JADE2: variants seen among roughly 807,000 people sequenced by gnomAD.
JADE2 encodes E3 ubiquitin-protein ligase Jade-2.
A neutral mutation model predicts 85.7 loss-of-function variants in JADE2; 13 were observed. The ratio of observed to expected loss-of-function variants is 0.15; its 90% CI spans 0.10 to 0.24. The LOEUF (loss-of-function observed/expected upper bound fraction) is 0.24, where lower values mean the gene tolerates loss of function less well. JADE2 is among the 10% of genes least tolerant of loss of function. JADE2 has a pLI of 1.00. For synonymous variants in JADE2, 440 were observed against 456.1 expected (o/e 0.96, Z 0.45); for missense variants, 846 against 1,115.9 (o/e 0.76, Z 3.45).
chr5:134,551,301 T>TC (rs1443045119), intron 3 of JADE2, among the ~76,000 whole-genome samples: 1 of 152,164 alleles, frequency 6.6e-6, no homozygotes, highest in African/African-American at 2.4e-5. Flanking sequence ...CAATCATGGC[T>TC]CACTGCAGGG....
chr5:134,549,943 A>G (rs1762507428), intron 3 of JADE2, among the ~76,000 whole-genome samples: 1 of 152,192 alleles, frequency 6.6e-6, no homozygotes, highest in African/African-American at 2.4e-5. Context: ...CCCACAGGGA[A>G]ATAACCCAGC....
intron 3 of JADE2, among the ~76,000 whole-genome samples, chr5:134,539,528 T>C (rs1421025487): frequency 2.6e-5 from 4 of 152,224 alleles, no homozygotes; most frequent in African/African-American, 9.6e-5. Context: ...GACACTGTAC[T>C]ACAGCCAAGA....
intron 4 of JADE2, 106 bp from the exon 5 acceptor site, chr5:134,559,724 C>T: frequency 1.7e-6 from 2 of 1,153,648 alleles, no homozygotes; most frequent in Non-Finnish European, 2.4e-6. Flanking sequence ...GGTGTCAAAG[C>T]ACACTTGTCC....
rs974128189 is a variant in JADE2, at chr5:134,526,486, C to T, written c.-1+475C>T. 5.4e-5 allele frequency: 53 copies of T among 985,180 alleles called. No individual in the cohort carries two copies. The African/African-American group carries it at 7.0e-4, about 13-fold the overall frequency. 61.0% of individuals were successfully genotyped at this position (985,180 alleles called of 1,614,324 possible). ...GCTCCGAGAACCTGGAGCTATCTGCCCTCCTGTCTCCCCGAGTTTCATTTT... is the reference window on the plus strand; with the variant it reads ...GCTCCGAGAACCTGGAGCTATCTGCTCTCCTGTCTCCCCGAGTTTCATTTT... On this transcript the variant is annotated intron_variant, in intron 1 of 11. Transcript: ENST00000681547.
intron 1 of JADE2, among the ~76,000 whole-genome samples, chr5:134,534,690 G>C (rs1761472876): frequency 6.6e-6 from 1 of 152,200 alleles, no homozygotes; most frequent in African/African-American, 2.4e-5. Flanking sequence ...GGGCTGGGCA[G>C]TGGGGCTTTC....
At chr5:134,542,820 C>T (rs1379966844) in intron 3 of JADE2, among the ~76,000 whole-genome samples, 2 of 151,792 alleles carry the variant, frequency 1.3e-5, no homozygotes, top group Non-Finnish European at 2.9e-5. Context: ...GCAACCTCCA[C>T]CTCCTGGGTT....
intron 1 of JADE2, among the ~76,000 whole-genome samples, chr5:134,528,658 T>C (rs1273065347): frequency 6.6e-6 from 1 of 152,194 alleles, no homozygotes; most frequent in East Asian, 1.9e-4. Flanking sequence ...CCCCAAGTGC[T>C]GTTGGCTGTT....
At chr5:134,525,460 C>A (rs1217163850), upstream of JADE2, among the ~76,000 whole-genome samples, 1 of 151,092 alleles carries the variant, frequency 6.6e-6, no homozygotes, top group Non-Finnish European at 1.5e-5. Flanking sequence ...GGGCCCGCAA[C>A]GCTACCTGGA....
At chr5:134,550,639 C>CACAT (rs1395183539) in intron 3 of JADE2, among the ~76,000 whole-genome samples, 1 of 152,214 alleles carries the variant, frequency 6.6e-6, no homozygotes, top group Non-Finnish European at 1.5e-5. Flanking sequence ...CTGAGCAAGT[C>CACAT]ACATGGTGTC....
In JADE2 at chr5:134,560,771, A is replaced by G. The variant is rs771768393; in HGVS notation, c.498A>G (p.Thr166=). Residue 166 remains threonine, a synonymous_variant, in exon 6 of 12, where the codon ACA becomes ACG. Transcript: ENST00000681547. ...AGAGGCCGGAGCTGGACGAGCTGACATTAGAGCGTGTGCTGGAGGAGCTGG... is the reference window on the plus strand; with the variant it reads ...AGAGGCCGGAGCTGGACGAGCTGACGTTAGAGCGTGTGCTGGAGGAGCTGG... ...EMERPELDEL[T]LERVLEELET... 6.2e-7 allele frequency: 1 copy of G among 1,613,966 alleles called. No individual in the cohort carries two copies. The highest frequency in any genetic ancestry group is 1.7e-5 in the Admixed American group (1 of 59,964).
At chr5:134,560,414 C>T (rs1333892194) in intron 5 of JADE2, among the ~76,000 whole-genome samples, 2 of 152,154 alleles carry the variant, frequency 1.3e-5, no homozygotes, top group African/African-American at 2.4e-5. Flanking sequence ...CAGAGGTCCC[C>T]TCATACACAC....
rs1330736685 is a variant in JADE2 at position 134,580,442 on chromosome 5, C to T, written c.*1125C>T. The T allele has an allele frequency of 8.7e-6, 1 of 114,532 alleles. No individual in the cohort carries two copies. The highest frequency in any genetic ancestry group is 3.4e-4 in the East Asian group (1 of 2,944). The allele number at this position is 114,532 out of a possible 1,614,324, so 7.1% of individuals were successfully genotyped here. On this transcript the variant is annotated 3_prime_UTR_variant, in exon 12 of 12. Coordinates refer to ENST00000681547, the MANE Select transcript of JADE2 (RefSeq NM_001388185.1). ...CACAGCCATCCCCCCCCCCGTCCTGCCATCCCCCCCCGCCGTCCTGCCTTC... is the reference window on the plus strand; with the variant it reads ...CACAGCCATCCCCCCCCCCGTCCTGTCATCCCCCCCCGCCGTCCTGCCTTC...
At chr5:134,533,523 C>T (rs1035491551) in intron 1 of JADE2, 5 of 985,172 alleles carry the variant, frequency 5.1e-6, no homozygotes, top group Non-Finnish European at 3.6e-6. Flanking sequence ...GATGCTGGCT[C>T]GGAAGTACCT....
intron 3 of JADE2, among the ~76,000 whole-genome samples, chr5:134,543,418 A>T (rs989375691): frequency 1.3e-5 from 2 of 148,184 alleles, no homozygotes; most frequent in South Asian, 4.6e-4. Flanking sequence ...CATGCCTGTA[A>T]TCCCAGCACT....
intron 1 of JADE2, among the ~76,000 whole-genome samples, chr5:134,531,857 A>G (rs1378172628): frequency 7.0e-6 from 1 of 142,960 alleles, no homozygotes; most frequent in African/African-American, 2.6e-5. Flanking sequence ...AGTGCTGGGA[A>G]TATAAGGATG....
intron 3 of JADE2, among the ~76,000 whole-genome samples, chr5:134,548,292 G>T (rs975916038): frequency 2.0e-5 from 3 of 152,202 alleles, no homozygotes; most frequent in African/African-American, 7.2e-5. Context: ...GGCCAAAAGG[G>T]GCAGGAGTTG....
At chr5:134,573,903 A>G (rs1222306813) in intron 10 of JADE2, 141 bp downstream of exon 10, 1 of 742,812 alleles carries the variant, frequency 1.3e-6, no homozygotes, top group Non-Finnish European at 2.5e-6. Context: ...CCTACCCTTC[A>G]CCATCCAATT....
At chr5:134,563,191 G>A (rs1763430954) in intron 7 of JADE2, among the ~76,000 whole-genome samples, 1 of 152,014 alleles carries the variant, frequency 6.6e-6, no homozygotes, top group African/African-American at 2.4e-5. Context: ...CTTAGCACAT[G>A]CCTGTAATCC....
At chr5:134,544,030 A>G (rs934763305) in intron 3 of JADE2, among the ~76,000 whole-genome samples, 2 of 152,208 alleles carry the variant, frequency 1.3e-5, no homozygotes, top group Non-Finnish European at 2.9e-5. Context: ...TTGGAGGGCT[A>G]CTGTTTGAGG....
Sources: gnomAD v4.1 joint callset for allele counts (sites outside exome capture counted in the v4.1 genomes callset) on GRCh38, gnomAD v4.1.1 for gene constraint, MANE v1.5 for transcripts, NCBI Gene and HGNC (gene_info 2026-07-23, HGNC 2026-07-21) for gene names.